The following GKN1 variants were observed in gnomAD, a reference collection of about 807,000 sequenced individuals.
GKN1 encodes gastrokine 1, also known as gastrokine-1.
Under a neutral mutation model 19.7 loss-of-function variants are expected in GKN1, and 17 were observed. That is an observed-to-expected ratio of 0.86 (90% CI 0.59 to 1.29). The LOEUF is 1.29. Ranked by LOEUF, GKN1 falls within the 50% of genes most tolerant of loss-of-function variation. The probability of loss-of-function intolerance (pLI) is 0.00; values close to 1 mark genes in which losing one functional copy is unlikely to be tolerated. For synonymous variants in GKN1, 96 were observed against 78.3 expected, an observed-to-expected ratio of 1.23 and a Z score of -1.20; for missense variants, 218 against 224.5, an observed-to-expected ratio of 0.97 and a Z score of 0.19.
At chr2:68,976,033 C>T (rs1443034638) in intron 1 of GKN1, among the ~76,000 whole-genome samples, 1 of 152,074 alleles carries the variant, frequency 6.6e-6, no homozygotes, top group Non-Finnish European at 1.5e-5. Context: ...ATAATTAAAC[C>T]AAGTATCCTG....
intron 4 of GKN1, 39 bp downstream of exon 4, chr2:68,979,020 G>T: frequency 1.1e-6 from 1 of 945,198 alleles, no homozygotes; most frequent in South Asian, 1.4e-5. Flanking sequence ...TGAGGGGAGA[G>T]GTTTTACATC....
rs529313707 is a variant in GKN1, at chr2:68,980,325, G to T, written c.463+265G>T. On this transcript the variant is annotated intron_variant, in intron 5 of 5. Transcript: ENST00000377938. Reference sequence around the variant, plus strand: ...AGAGAGGTCACAAAATCCTTGCCTGGGTCAATTCCAAGCATTTTGGCTGTG... The same window carrying T: ...AGAGAGGTCACAAAATCCTTGCCTGTGTCAATTCCAAGCATTTTGGCTGTG... Among the ~76,000 whole-genome samples, 9 of 152,256 alleles carry T rather than the reference G, an allele frequency of 5.9e-5. No homozygotes were observed. The South Asian group carries it at 1.7e-3, about 28-fold the overall frequency.
chr2:68,975,090 G>A (rs1228760269), intron 1 of GKN1, among the ~76,000 whole-genome samples: 5 of 152,074 alleles, frequency 3.3e-5, no homozygotes, highest in Non-Finnish European at 5.9e-5. Context: ...AGCTGTCTGA[G>A]CACCTCACAC....
In GKN1 at chr2:68,977,832, C is replaced by CA. The variant is rs1219612973; in HGVS notation, c.204+64dup. ...GTTTAAAAATACGATTTCTTTTTAA[C>CA]AAAAAATGTGCATGTTAACCATAAA... On this transcript the variant is annotated intron_variant, in intron 3 of 5. Coordinates refer to ENST00000377938, the MANE Select transcript of GKN1 (RefSeq NM_019617.4). 5 of 1,323,022 alleles carry CA rather than the reference C, an allele frequency of 3.8e-6. No individual in the cohort carries two copies. The African/African-American group carries it at 4.4e-5, about 12-fold the overall frequency. The allele number at this position is 1,323,022 out of a possible 1,614,324, so 82.0% of individuals were successfully genotyped here.
Position 68,977,551 on chromosome 2 carries a change from A to G in GKN1, c.66+3A>G. ...TAGCTCCTGCCCTAGCTAACTATGT[A>G]AGTCTCACCTTTTCAAGTTTGCTAC... On this transcript the variant is annotated splice_donor_region_variant and intron_variant, in intron 2 of 5. Transcript: ENST00000377938. The G allele has an allele frequency of 6.2e-7, 1 of 1,609,010 alleles. No homozygotes were observed. Among genetic ancestry groups the G allele is most frequent in the Non-Finnish European group, 8.5e-7 (1 of 1,175,482 alleles).
At chr2:68,977,144 T>A (rs1670273263) in intron 1 of GKN1, among the ~76,000 whole-genome samples, 1 of 152,172 alleles carries the variant, frequency 6.6e-6, no homozygotes, top group South Asian at 2.1e-4. Flanking sequence ...TATCACTACT[T>A]GAAAATTACA....
chr2:68,976,886 A>G (rs1341277619), intron 1 of GKN1, among the ~76,000 whole-genome samples: 2 of 152,174 alleles, frequency 1.3e-5, no homozygotes, highest in Non-Finnish European at 2.9e-5. Context: ...TTTATATTAC[A>G]TAATATAATT....
intron 4 of GKN1, 143 bp downstream of exon 4, chr2:68,979,124 T>C: frequency 5.6e-6 from 3 of 537,752 alleles, no homozygotes; most frequent in Admixed American, 3.4e-5. Context: ...GGTGATTGCC[T>C]GAGGGAAGGC....
rs191187603 is a variant in GKN1, at chr2:68,980,739, G to A, written c.474G>A (p.Leu158=). 1.3e-6 allele frequency: 2 copies of A among 1,558,544 alleles called. No individual in the cohort carries two copies. Among genetic ancestry groups the A allele is most frequent in the Admixed American group, 1.7e-5 (1 of 59,926 alleles). The change falls in exon 6 of 6, where the codon CTG becomes CTA. Residue 158 remains leucine (L), a synonymous_variant. Transcript: ENST00000377938. The part of the protein sequence containing the change: ...YMAEEMQEAS[L]FFYSGTCYTT... ...TTTTCTCTTTATTAGAGGCAAGCCT[G>A]TTTTTTTACTCAGGAACGTGCTACA...
rs778329473 is a variant in GKN1 at position 68,980,762 on chromosome 2, A to G, written c.497A>G (p.Tyr166Cys). The change falls in exon 6 of 6, where the codon TAC becomes TGC. Residue 166 changes from tyrosine (Y) to cysteine (C), a missense_variant. Physicochemically the swap from Tyr to Cys is radical, Grantham distance 194. Transcript: ENST00000377938. ...CTGTTTTTTTACTCAGGAACGTGCTACACGACCAGTGTACTATGGATTGTG... is the reference window on the plus strand; with the variant it reads ...CTGTTTTTTTACTCAGGAACGTGCTGCACGACCAGTGTACTATGGATTGTG... ...ASLFFYSGTC[Y>C]TTSVLWIVDI... 1 of 1,597,318 alleles carries G rather than the reference A, an allele frequency of 6.3e-7. No homozygotes were observed. The highest frequency in any genetic ancestry group is 1.7e-5 in the Admixed American group (1 of 60,006).
At chr2:68,980,651 C>A in intron 5 of GKN1, 78 bp from the exon 6 acceptor site, 1 of 759,200 alleles carries the variant, frequency 1.3e-6, no homozygotes, top group Non-Finnish European at 2.3e-6. Context: ...GTTTGGAAAC[C>A]CCTACTCCCC....
intron 5 of GKN1, 72 bp downstream of exon 5, chr2:68,980,132 A>AC: frequency 6.8e-6 from 9 of 1,333,292 alleles, no homozygotes; most frequent in Non-Finnish European, 8.6e-6. Flanking sequence ...GCGCGTGTCC[A>AC]TAGTGGGCAC....
At chr2:68,977,615 C>T in intron 2 of GKN1, 22 bp from the exon 3 acceptor site, 1 of 1,606,210 alleles carries the variant, frequency 6.2e-7, no homozygotes, top group Non-Finnish European at 8.5e-7. Context: ...TTAAATCACT[C>T]TCAATCTCTT....
intron 3 of GKN1, chr2:68,978,189 G>A (rs1008286646): frequency 1.3e-5 from 2 of 151,764 alleles, no homozygotes; most frequent in African/African-American, 5.0e-5. Flanking sequence ...CCTAAAACTC[G>A]GGAAATGTAA....
In GKN1 at chr2:68,980,827, AT is replaced by A. The variant is rs767834542; in HGVS notation, c.*10del. 3 of 1,405,168 alleles carry A rather than the reference AT, an allele frequency of 2.1e-6. No individual in the cohort carries two copies. The highest frequency in any genetic ancestry group is 2.0e-6 in the Non-Finnish European group (2 of 989,380). 87.0% of individuals were successfully genotyped at this position (1,405,168 alleles called of 1,614,324 possible). A position where few individuals can be genotyped will look rare whatever the true frequency, so the allele number is the denominator to read the frequency against. On this transcript the variant is annotated 3_prime_UTR_variant, in exon 6 of 6. Coordinates refer to ENST00000377938, the MANE Select transcript of GKN1 (RefSeq NM_019617.4). ...TGGAGACACGGTGGAGAACTAAACA[AT>A]TTTTTAAAGCCACTATGGATTTAGT... is the stretch of plus-strand genomic sequence containing the variant.
At chr2:68,977,452 ATTT>A (rs1670277686) in intron 1 of GKN1, 40 bp from the exon 2 acceptor site, 2 of 1,328,686 alleles carry the variant, frequency 1.5e-6, no homozygotes, top group Admixed American at 1.7e-5. Flanking sequence ...AGAAGACATC[ATTT>A]TGCCATGTAA....
Position 68,980,720 on chromosome 2 carries a change from CT to C in GKN1, c.464-6del. ...CATTAATATAGGCTTCTTCTTTTCT[CT>C]TTATTAGAGGCAAGCCTGTTTTTTT... On this transcript the variant is annotated splice_polypyrimidine_tract_variant and splice_region_variant and intron_variant, in intron 5 of 5. Coordinates refer to ENST00000377938, the MANE Select transcript of GKN1 (RefSeq NM_019617.4). 1 of 1,436,372 alleles carries C rather than the reference CT, an allele frequency of 7.0e-7. No individual in the cohort carries two copies. The highest frequency in any genetic ancestry group is 9.8e-7 in the Non-Finnish European group (1 of 1,018,634). The allele number at this position is 1,436,372 out of a possible 1,614,324, so 89.0% of individuals were successfully genotyped here.
At chr2:68,979,829 G>A (rs920405961) in intron 4 of GKN1, 84 bp from the exon 5 acceptor site, 124 of 1,129,526 alleles carry the variant, frequency 1.1e-4, no homozygotes, top group South Asian at 1.0e-4. Flanking sequence ...TGTTGGCCTC[G>A]TATACCCCTC....
At chr2:68,979,407 AG>A (rs1319194332) in intron 4 of GKN1, among the ~76,000 whole-genome samples, 2 of 152,240 alleles carry the variant, frequency 1.3e-5, no homozygotes, top group African/African-American at 4.8e-5. Flanking sequence ...TACTAAAAAA[AG>A]ATCCATTGTT....
Sources: gnomAD v4.1 joint callset for allele counts (sites outside exome capture counted in the v4.1 genomes callset) on GRCh38, gnomAD v4.1.1 for gene constraint, MANE v1.5 for transcripts, NCBI Gene and HGNC (gene_info 2026-07-23, HGNC 2026-07-21) for gene names.